SH3BGRL2: variants seen among roughly 807,000 people sequenced by gnomAD.
SH3BGRL2 encodes SH3 domain binding glutamate rich protein like 2.
In SH3BGRL2, 21 loss-of-function variants were observed where a neutral mutation model predicts 14.8. The ratio of observed to expected loss-of-function variants is 1.42; its 90% confidence interval spans 1.01 to 2.05. The LOEUF is 2.05. SH3BGRL2 is among the 30% of genes most tolerant of loss of function. SH3BGRL2 has a pLI of 0.00. For missense variants in SH3BGRL2, 147 were observed against 130.8 expected, an observed-to-expected ratio of 1.12 and a Z score of -0.61; for synonymous variants, 50 against 47.8, an observed-to-expected ratio of 1.05 and a Z score of -0.19.
At chr6:79,538,017 AGTTTTTTTTTTTT>A in the SH3BGRL2 span, among the ~76,000 whole-genome samples, 3 of 50,016 alleles carry the variant, frequency 6.0e-5, no homozygotes, top group East Asian at 4.5e-4. Context: ...TTTGCACACA[AGTTTTTTTTTTTT>A]TTTTTTTTTT....
chr6:79,649,178 A>G (rs1485359016), intron 1 of SH3BGRL2, among the ~76,000 whole-genome samples: 1 of 152,240 alleles, frequency 6.6e-6, no homozygotes, highest in African/African-American at 2.4e-5. Flanking sequence ...GGAGAATTCC[A>G]GAAGCATAGT....
At chr6:79,561,273 A>G in the SH3BGRL2 span, 23 of 152,156 alleles carry the variant, frequency 1.5e-4, no homozygotes, top group African/African-American at 5.1e-4. Flanking sequence ...TAATTTTACT[A>G]TTTTAATAAT....
chr6:79,590,466 C>A, the SH3BGRL2 span, among the ~76,000 whole-genome samples: 2 of 48,088 alleles, frequency 4.2e-5, no homozygotes, highest in African/African-American at 1.7e-4. Context: ...TATATATATG[C>A]GCCATGGAAT....
intron 1 of SH3BGRL2, among the ~76,000 whole-genome samples, chr6:79,637,469 G>C (rs1030937037): frequency 4.6e-5 from 7 of 152,136 alleles, no homozygotes; most frequent in Admixed American, 4.6e-4. Flanking sequence ...GAGGCAGGTG[G>C]ATCACGAGGT....
At chr6:79,641,749 A>G (rs1454167025) in intron 1 of SH3BGRL2, among the ~76,000 whole-genome samples, 1 of 152,178 alleles carries the variant, frequency 6.6e-6, no homozygotes, top group African/African-American at 2.4e-5. Context: ...AGTAGTAGTA[A>G]TAACAGTAAA....
the SH3BGRL2 span, among the ~76,000 whole-genome samples, chr6:79,544,988 T>C: frequency 6.6e-6 from 1 of 152,360 alleles, no homozygotes; most frequent in Admixed American, 6.5e-5. Context: ...AAACTACTGC[T>C]TGAGTAGCAA....
chr6:79,637,783 G>A (rs1032445855), intron 1 of SH3BGRL2, among the ~76,000 whole-genome samples: 2 of 152,120 alleles, frequency 1.3e-5, no homozygotes, highest in African/African-American at 2.4e-5. Context: ...GCAGAGATTG[G>A]TGGTGTTTTA....
the SH3BGRL2 span, among the ~76,000 whole-genome samples, chr6:79,550,897 G>C: frequency 6.6e-6 from 1 of 152,068 alleles, no homozygotes; most frequent in Non-Finnish European, 1.5e-5. Context: ...CTGTCTCTGT[G>C]CCTTTATTTT....
the SH3BGRL2 span, among the ~76,000 whole-genome samples, chr6:79,568,417 T>G: frequency 6.6e-6 from 1 of 152,316 alleles, no homozygotes; most frequent in Admixed American, 6.5e-5. Context: ...GACTATAGCT[T>G]CATGTGTCCA....
chr6:79,586,623 T>C, the SH3BGRL2 span, among the ~76,000 whole-genome samples: 1 of 152,172 alleles, frequency 6.6e-6, no homozygotes, highest in African/African-American at 2.4e-5. Context: ...AGTAACATCA[T>C]GAGAAGAGGA....
chr6:79,615,788 T>A, the SH3BGRL2 span, among the ~76,000 whole-genome samples: 4 of 151,784 alleles, frequency 2.6e-5, no homozygotes, highest in East Asian at 3.8e-4. Context: ...TTTGCTTTTT[T>A]TAAAAATCTG....
the SH3BGRL2 span, among the ~76,000 whole-genome samples, chr6:79,607,085 T>A: frequency 6.6e-6 from 1 of 152,166 alleles, no homozygotes; most frequent in Non-Finnish European, 1.5e-5. Flanking sequence ...TATGAGAATA[T>A]AAATAACCTG....
intron 1 of SH3BGRL2, among the ~76,000 whole-genome samples, chr6:79,651,267 G>C (rs1250904962): frequency 1.3e-5 from 2 of 152,248 alleles, no homozygotes; most frequent in Admixed American, 6.5e-5. Context: ...GCTGTAACTG[G>C]TCTTCTACAA....
At chr6:79,580,645 G>A in the SH3BGRL2 span, among the ~76,000 whole-genome samples, 1 of 152,230 alleles carries the variant, frequency 6.6e-6, no homozygotes, top group Non-Finnish European at 1.5e-5. Context: ...TCAAAGCAGT[G>A]TGTAGAGGGA....
the SH3BGRL2 span, among the ~76,000 whole-genome samples, chr6:79,582,845 G>A: frequency 6.6e-5 from 10 of 152,124 alleles, no homozygotes; most frequent in Non-Finnish European, 1.3e-4. Flanking sequence ...AGAGTGAACA[G>A]GCAACCTACA....
the SH3BGRL2 span, among the ~76,000 whole-genome samples, chr6:79,604,774 C>T: frequency 1.4e-4 from 21 of 152,288 alleles, no homozygotes; most frequent in South Asian, 8.3e-4. Context: ...CACACAGAAA[C>T]ATGGGGAACC....
intron 1 of SH3BGRL2, among the ~76,000 whole-genome samples, chr6:79,660,393 T>G (rs6899387): frequency 0.56 from 84,870 of 152,020 alleles, 24,657 homozygotes; most frequent in Non-Finnish European, 0.65. Flanking sequence ...TCTATTGAGA[T>G]AATCATGTGG....
At chr6:79,632,247 A>AT (rs1162386870) in intron 1 of SH3BGRL2, among the ~76,000 whole-genome samples, 7 of 152,018 alleles carry the variant, frequency 4.6e-5, no homozygotes, top group Non-Finnish European at 5.9e-5. Flanking sequence ...ATGTTCTTGA[A>AT]TTTTTTTAGA....
At chr6:79,557,887 G>A in the SH3BGRL2 span, among the ~76,000 whole-genome samples, 2 of 152,134 alleles carry the variant, frequency 1.3e-5, no homozygotes, top group African/African-American at 4.8e-5. Flanking sequence ...GAACTAATCA[G>A]TCTGGAATGG....
Sources: allele counts gnomAD v4.1 joint callset (sites outside exome capture counted in the v4.1 genomes callset), GRCh38; gene constraint gnomAD v4.1.1; transcripts MANE v1.5; gene names NCBI Gene and HGNC (gene_info 2026-07-23, HGNC 2026-07-21).